Variants in GLIS3 observed in about 807,000 individuals in gnomAD.
The protein encoded by GLIS3 is zinc finger protein GLIS3.
In GLIS3, 53 loss-of-function variants were observed where a neutral mutation model predicts 78.6. The observed-to-expected ratio is 0.67, with a 90% CI of 0.54 to 0.85. The LOEUF (loss-of-function observed/expected upper bound fraction) is 0.85. Ranked by LOEUF, GLIS3 falls within the 40% of genes least tolerant of loss-of-function variation. The probability of loss-of-function intolerance (pLI) is 0.00; values close to 1 mark genes in which losing one functional copy is unlikely to be tolerated. For missense variants in GLIS3, 1,703 were observed against 1,231.1 expected, an observed-to-expected ratio of 1.38 and a Z score of -5.74; for synonymous variants, 684 against 509.9, an observed-to-expected ratio of 1.34 and a Z score of -4.60.
At chr9:4,262,491 A>AT (rs1015023836) in intron 2 of GLIS3, among the ~76,000 whole-genome samples, 2 of 152,054 alleles carry the variant, frequency 1.3e-5, no homozygotes, top group Non-Finnish European at 2.9e-5. Context: ...CGTCTCAGGT[A>AT]TTTTTTTCAT....
At chr9:4,490,374 T>G in the GLIS3 span, 1 of 197,940 alleles carries the variant, frequency 5.1e-6, no homozygotes. Context: ...CCCACCCTCC[T>G]TCCCGGGCCT....
rs148639787 is a variant in GLIS3 at position 4,209,700 on chromosome 9, C to G, written c.388+76338G>C. Among the ~76,000 whole-genome samples the G allele has an allele frequency of 1.8e-3, 280 of 152,290 alleles. 1 individual carries two copies. Among genetic ancestry groups the G allele is most frequent in the Non-Finnish European group, 2.9e-3 (200 of 68,022 alleles). ...CCTCTCTGCCAGGGTTTCTTAACGTCACTCCTACTGACATTCTGAGCTAGC... is the reference window on the plus strand; with the variant it reads ...CCTCTCTGCCAGGGTTTCTTAACGTGACTCCTACTGACATTCTGAGCTAGC... On this transcript the variant is annotated intron_variant, in intron 2 of 10. Transcript: ENST00000381971.
rs58694855 is a variant in GLIS3 at position 3,953,016 on chromosome 9, A to T, written c.1711-15827T>A. On this transcript the variant is annotated intron_variant, in intron 4 of 10. Coordinates refer to ENST00000381971, the MANE Select transcript of GLIS3 (RefSeq NM_001042413.2). ...TGCTACCTAGGTAAGTTCCTGGTTC[A>T]GATATTAATAAAGATGTATTCTTGG... 9.4e-3 allele frequency among the ~76,000 whole-genome samples: 1,439 copies of T among 152,310 alleles called. 22 individuals carry two copies. Among genetic ancestry groups the T allele is most frequent in the African/African-American group, 0.033 (1,386 of 41,564 alleles).
intron 4 of GLIS3, among the ~76,000 whole-genome samples, chr9:3,982,949 A>G (rs1217669575): frequency 6.6e-6 from 1 of 152,204 alleles, no homozygotes; most frequent in Admixed American, 6.5e-5. Context: ...AGTGAAAATC[A>G]AAGTGAAGGA....
chr9:4,146,121 G>T (rs373676678), intron 2 of GLIS3, among the ~76,000 whole-genome samples: 1 of 152,106 alleles, frequency 6.6e-6, no homozygotes, highest in Non-Finnish European at 1.5e-5. Flanking sequence ...GTCAAATTCA[G>T]TTCTTAACAT....
intron 4 of GLIS3, among the ~76,000 whole-genome samples, chr9:4,027,410 G>C (rs1686622658): frequency 6.6e-6 from 1 of 152,100 alleles, no homozygotes; most frequent in South Asian, 2.1e-4. Flanking sequence ...TCCCAGATTT[G>C]GTAAAGGACA....
rs115631961 is a variant in GLIS3, at chr9:4,213,374, T to C, written c.388+72664A>G. 5.9e-3 allele frequency among the ~76,000 whole-genome samples: 896 copies of C among 152,292 alleles called. 16 individuals are homozygous for C. The highest frequency in any genetic ancestry group is 0.02 in the African/African-American group (822 of 41,566). On this transcript the variant is annotated intron_variant, in intron 2 of 10. Coordinates refer to ENST00000381971, the MANE Select transcript of GLIS3 (RefSeq NM_001042413.2). ...ACCTGTACATATTCTTTACATAGCATATACTGTATCCCTTTGCAATGGAAG... is the reference window on the plus strand; with the variant it reads ...ACCTGTACATATTCTTTACATAGCACATACTGTATCCCTTTGCAATGGAAG...
chr9:4,084,550 T>C (rs1410702047), intron 4 of GLIS3, among the ~76,000 whole-genome samples: 2 of 151,934 alleles, frequency 1.3e-5, no homozygotes, highest in Middle Eastern at 3.4e-3. Flanking sequence ...GACGGAGACA[T>C]GGAGCCAGAA....
At chr9:4,256,534 T>C (rs909824657) in intron 2 of GLIS3, among the ~76,000 whole-genome samples, 40 of 152,166 alleles carry the variant, frequency 2.6e-4, no homozygotes, top group South Asian at 2.1e-4. Context: ...ACTTTGGAAA[T>C]AGAAACTGGT....
intron 2 of GLIS3, among the ~76,000 whole-genome samples, chr9:4,334,548 C>G (rs1241063003): frequency 6.6e-6 from 1 of 152,196 alleles, no homozygotes; most frequent in Non-Finnish European, 1.5e-5. Flanking sequence ...GGCTCTTGCT[C>G]CAGCGTTGTC....
At chr9:3,888,380 C>T (rs747384632) in intron 7 of GLIS3, among the ~76,000 whole-genome samples, 21 of 152,192 alleles carry the variant, frequency 1.4e-4, no homozygotes, top group Non-Finnish European at 2.8e-4. Context: ...TCTACTTTCA[C>T]GTGACTTCTA....
At chr9:3,871,667 C>A (rs1288569977) in intron 8 of GLIS3, among the ~76,000 whole-genome samples, 1 of 152,216 alleles carries the variant, frequency 6.6e-6, no homozygotes, top group Non-Finnish European at 1.5e-5. Context: ...GGACGCAGGG[C>A]ACCAAGTCCC....
At chr9:4,395,920 T>A in the GLIS3 span, among the ~76,000 whole-genome samples, 1 of 151,714 alleles carries the variant, frequency 6.6e-6, no homozygotes, top group Non-Finnish European at 1.5e-5. Context: ...ATTACAGGCA[T>A]GCACCACCAC....
At chr9:4,059,827 T>TGAGAGAGA (rs1252079860) in intron 4 of GLIS3, among the ~76,000 whole-genome samples, 98 of 106,802 alleles carry the variant, frequency 9.2e-4, no homozygotes, top group African/African-American at 3.2e-3. Context: ...TGTGTGTGTG[T>TGAGAGAGA]GTGAGAGAGA....
chr9:3,874,912 C>T (rs933642943), intron 8 of GLIS3, among the ~76,000 whole-genome samples: 3 of 152,232 alleles, frequency 2.0e-5, no homozygotes, highest in Non-Finnish European at 2.9e-5. Context: ...CACAGGCCTC[C>T]TTCAGCTCTA....
intron 4 of GLIS3, among the ~76,000 whole-genome samples, chr9:4,081,580 C>T (rs912471634): frequency 6.6e-6 from 1 of 152,280 alleles, no homozygotes; most frequent in East Asian, 1.9e-4. Flanking sequence ...TGGATAAACA[C>T]GTGTAAAGCC....
intron 2 of GLIS3, among the ~76,000 whole-genome samples, chr9:4,153,740 T>C (rs2131050739): frequency 6.6e-6 from 1 of 152,322 alleles, no homozygotes; most frequent in East Asian, 1.9e-4. Context: ...TTTATTATAG[T>C]TTGGAAAGAA....
the GLIS3 span, among the ~76,000 whole-genome samples, chr9:4,359,228 G>C: frequency 3.3e-5 from 5 of 151,878 alleles, no homozygotes; most frequent in African/African-American, 1.2e-4. Context: ...ATGAGCGCGT[G>C]TGAATCTCCC....
chr9:4,347,728 T>A (rs183443612), intron 1 of GLIS3, among the ~76,000 whole-genome samples: 12 of 152,166 alleles, frequency 7.9e-5, no homozygotes, highest in Admixed American at 7.8e-4. Context: ...GGTTTGGTTT[T>A]TTTGAGGTTT....
Sources: allele counts gnomAD v4.1 joint callset (sites outside exome capture counted in the v4.1 genomes callset), GRCh38; gene constraint gnomAD v4.1.1; transcripts MANE v1.5; gene names NCBI Gene and HGNC (gene_info 2026-07-23, HGNC 2026-07-21).